Variants in AFF2 observed in about 807,000 individuals in gnomAD.
AFF2 encodes the protein AF4/FMR2 family member 2.
Under a neutral mutation model 76.9 loss-of-function variants are expected in AFF2, and 14 were observed. That is an observed-to-expected ratio of 0.18 (90% CI 0.12 to 0.28). The LOEUF (loss-of-function observed/expected upper bound fraction) is 0.28, where lower values mean the gene tolerates loss of function less well. Ranked by LOEUF, AFF2 falls within the 10% of genes least tolerant of loss-of-function variation. AFF2 has a pLI of 1.00. For synonymous variants in AFF2, 398 were observed against 366.7 expected (o/e 1.09, Z -0.98); for missense variants, 868 against 1,001.1 (o/e 0.87, Z 1.79).
intron 1 of AFF2, among the ~76,000 whole-genome samples, chrX:148,646,015 G>C (rs1603266605): frequency 8.9e-6 from 1 of 112,172 alleles, no homozygotes; most frequent in Non-Finnish European, 1.9e-5. Flanking sequence ...AGTATGCTCA[G>C]TGAAAGAGGC....
intron 3 of AFF2, among the ~76,000 whole-genome samples, chrX:148,663,673 T>C (rs1557258130): frequency 8.9e-6 from 1 of 112,235 alleles, no homozygotes. Context: ...TGGATTCCTG[T>C]CACTGGTGAC....
intron 5 of AFF2, 148 bp downstream of exon 5, chrX:148,837,881 A>C: frequency 2.4e-6 from 1 of 425,480 alleles, no homozygotes; most frequent in Non-Finnish European, 4.1e-6. Flanking sequence ...ATATAAAAAT[A>C]ATTTTTATTG....
chrX:148,997,310 C>T lies in AFF2; in HGVS notation c.*5978C>T, dbSNP rs1490992225. The T allele has an allele frequency of 9.0e-6, 1 of 111,560 alleles. No individual in the cohort carries two copies. Among genetic ancestry groups the T allele is most frequent in the Non-Finnish European group, 1.9e-5 (1 of 53,127 alleles). The allele number at this position is 111,560 out of a possible 1,213,427, so 9.2% of individuals were successfully genotyped here. On this transcript the variant is annotated 3_prime_UTR_variant, in exon 21 of 21. Coordinates refer to ENST00000370460, the MANE Select transcript of AFF2 (RefSeq NM_002025.4). The stretch of plus-strand genomic sequence containing the variant: ...ACACACACACACACACTCACACACA[C>T]ACACATACACTTTTTAAATTTTTAA...
At chrX:148,748,854 A>G (rs1028497763) in intron 3 of AFF2, among the ~76,000 whole-genome samples, 1 of 112,255 alleles carries the variant, frequency 8.9e-6, no homozygotes, top group African/African-American at 3.2e-5. Flanking sequence ...GCAAGAGTTA[A>G]TGGAACTTTT....
chrX:148,505,067 G>A, intron 1 of AFF2, among the ~76,000 whole-genome samples: 1 of 111,541 alleles, frequency 9.0e-6, no homozygotes. Flanking sequence ...TATCTTTCCC[G>A]TTTTCCCTCT....
chrX:148,725,327 G>A (rs1557264157), intron 3 of AFF2, among the ~76,000 whole-genome samples: 1 of 110,796 alleles, frequency 9.0e-6, no homozygotes, highest in Non-Finnish European at 1.9e-5. Flanking sequence ...GTGATTTCCT[G>A]GGAGGTGGAG....
intron 1 of AFF2, among the ~76,000 whole-genome samples, chrX:148,572,433 T>C (rs1159025250): frequency 8.9e-6 from 1 of 112,266 alleles, no homozygotes; most frequent in Non-Finnish European, 1.9e-5. Context: ...ATTTAAGACA[T>C]ATGTCCACAT....
chrX:148,984,289 ATGGTGGGTTGGACCAGGG>A (rs1170597751), intron 19 of AFF2, among the ~76,000 whole-genome samples: 1 of 111,276 alleles, frequency 9.0e-6, no homozygotes, highest in Non-Finnish European at 1.9e-5. Context: ...AGGTGAGAGG[ATGGTGGGTTGGACCAGGG>A]TGGTAGTGGC....
chrX:148,883,980 TACACACACAC>T (rs35575810), intron 7 of AFF2, among the ~76,000 whole-genome samples: 2 of 104,057 alleles, frequency 1.9e-5, no homozygotes, highest in Non-Finnish European at 3.9e-5. Context: ...TGTATTGAGA[TACACACACAC>T]ACACACACAC....
At position 148,843,112 on chromosome X, in the gene AFF2, A is replaced by G. The variant is rs1459567350; in HGVS notation, c.1210+110A>G. 4.8e-6 allele frequency: 3 copies of G among 626,019 alleles called. No individual in the cohort carries two copies. The East Asian group carries it at 1.1e-4, about 22-fold the overall frequency. The allele number at this position is 626,019 out of a possible 1,213,427, so 51.6% of individuals were successfully genotyped here. A position where few individuals can be genotyped will look rare whatever the true frequency, so the allele number is the denominator to read the frequency against. On this transcript the variant is annotated intron_variant, in intron 6 of 20. Transcript: ENST00000370460. ...TAAAACATGAAAGAACAACAATAACAAAAAGTTATTTTAATTGTTAATTTT... is the reference window on the plus strand; with the variant it reads ...TAAAACATGAAAGAACAACAATAACGAAAAGTTATTTTAATTGTTAATTTT...
chrX:148,976,967 G>T (rs782162203), intron 16 of AFF2, among the ~76,000 whole-genome samples: 1 of 112,514 alleles, frequency 8.9e-6, no homozygotes, highest in East Asian at 2.8e-4. Context: ...AGGAGGCCGA[G>T]TCTCAGGGGG....
intron 12 of AFF2, among the ~76,000 whole-genome samples, chrX:148,962,150 G>A (rs782124829): frequency 2.7e-5 from 3 of 112,885 alleles, no homozygotes; most frequent in Non-Finnish European, 3.7e-5. Context: ...TATGCTTGGC[G>A]TTGGAGTAGA....
At chrX:148,825,747 G>GTTTT (rs575960026) in intron 4 of AFF2, among the ~76,000 whole-genome samples, 1 of 89,093 alleles carries the variant, frequency 1.1e-5, no homozygotes, top group East Asian at 3.5e-4. Flanking sequence ...TCTGACCAGG[G>GTTTT]TTTTTTTTTT....
intron 3 of AFF2, among the ~76,000 whole-genome samples, chrX:148,805,097 G>A (rs1270270963): frequency 9.0e-6 from 1 of 111,493 alleles, no homozygotes; most frequent in Admixed American, 9.5e-5. Context: ...TAGTAATTCT[G>A]CATCAGGGGA....
At chrX:148,714,884 T>G (rs2055009903) in intron 3 of AFF2, among the ~76,000 whole-genome samples, 1 of 111,857 alleles carries the variant, frequency 8.9e-6, no homozygotes, top group African/African-American at 3.2e-5. Context: ...ATATACCTAC[T>G]GTGTGCAGGG....
At chrX:148,800,826 T>A (rs1476815126) in intron 3 of AFF2, among the ~76,000 whole-genome samples, 1 of 112,064 alleles carries the variant, frequency 8.9e-6, no homozygotes, top group Non-Finnish European at 1.9e-5. Flanking sequence ...ATGATAGCAA[T>A]CACATATTAA....
chrX:148,832,444 G>A (rs1045672567), intron 4 of AFF2, among the ~76,000 whole-genome samples: 21 of 112,055 alleles, frequency 1.9e-4, no homozygotes, highest in East Asian at 1.7e-3. Flanking sequence ...CATTTATTAC[G>A]TTCTTGGTAT....
chrX:148,614,717 C>CTTTCTTTCTTTCT (rs1557249978), intron 1 of AFF2, among the ~76,000 whole-genome samples: 792 of 47,536 alleles, frequency 0.017, 23 homozygotes, highest in African/African-American at 0.051. Flanking sequence ...TTCTTTCTTT[C>CTTTCTTTCTTTCT]TTTCTTTCTT....
chrX:148,707,308 A>T (rs1470133900), intron 3 of AFF2, among the ~76,000 whole-genome samples: 2 of 110,937 alleles, frequency 1.8e-5, no homozygotes, highest in Non-Finnish European at 3.8e-5. Context: ...TCTTTTATTC[A>T]GTTTTATCTA....
Sources: gnomAD v4.1 joint callset for allele counts (sites outside exome capture counted in the v4.1 genomes callset) on GRCh38, gnomAD v4.1.1 for gene constraint, MANE v1.5 for transcripts, NCBI Gene and HGNC (gene_info 2026-07-23, HGNC 2026-07-21) for gene names.